Variants in CAB39L observed in about 807,000 individuals in gnomAD.
CAB39L encodes the protein calcium-binding protein 39-like.
In CAB39L, 23 loss-of-function variants were observed where a neutral mutation model predicts 39.1. The ratio of observed to expected loss-of-function variants is 0.59; its 90% CI spans 0.42 to 0.83. The LOEUF is 0.83. Ranked by LOEUF, CAB39L falls within the 40% of genes least tolerant of loss-of-function variation. The pLI, the probability that CAB39L is intolerant of heterozygous loss-of-function variation, is 0.00. For missense variants in CAB39L, 366 were observed against 391.9 expected, an observed-to-expected ratio of 0.93 and a Z score of 0.56; for synonymous variants, 126 against 137.2, an observed-to-expected ratio of 0.92 and a Z score of 0.57.
chr13:49,402,283 G>T (rs189260170), intron 3 of CAB39L, among the ~76,000 whole-genome samples: 1 of 152,140 alleles, frequency 6.6e-6, no homozygotes, highest in Non-Finnish European at 1.5e-5. Context: ...TTAAAATTAC[G>T]AAACTCTCTG....
intron 7 of CAB39L, among the ~76,000 whole-genome samples, chr13:49,346,104 T>G (rs866049527): frequency 4.5e-5 from 2 of 44,918 alleles, no homozygotes; most frequent in African/African-American, 8.9e-5. Context: ...ATGCTAGATA[T>G]ATATATATAT....
chr13:49,411,520 C>T (rs1005510981), intron 3 of CAB39L, among the ~76,000 whole-genome samples: 2 of 151,524 alleles, frequency 1.3e-5, no homozygotes, highest in African/African-American at 4.9e-5. Context: ...TCCAGGCATA[C>T]GTAGATGTAT....
At chr13:49,438,437 T>A (rs1054274367) in intron 1 of CAB39L, among the ~76,000 whole-genome samples, 1 of 152,230 alleles carries the variant, frequency 6.6e-6, no homozygotes, top group South Asian at 2.1e-4. Flanking sequence ...GATTTTCCAA[T>A]CATTTCTTGG....
At chr13:49,327,515 G>A (rs1346787209) in intron 10 of CAB39L, among the ~76,000 whole-genome samples, 1 of 152,148 alleles carries the variant, frequency 6.6e-6, no homozygotes. Flanking sequence ...TGTTGGCCAG[G>A]CTGGTCTCAA....
chr13:49,419,058 C>T (rs528909178), intron 3 of CAB39L, among the ~76,000 whole-genome samples: 55 of 152,246 alleles, frequency 3.6e-4, no homozygotes, highest in Non-Finnish European at 6.6e-4. Context: ...ACCTCTCCCT[C>T]CCAGGTTCAA....
intron 5 of CAB39L, among the ~76,000 whole-genome samples, chr13:49,361,529 A>G (rs1053075095): frequency 1.3e-4 from 19 of 145,768 alleles, no homozygotes; most frequent in Non-Finnish European, 2.7e-4. Context: ...AGAGAGAGAG[A>G]GAGACAGAAA....
intron 3 of CAB39L, among the ~76,000 whole-genome samples, chr13:49,429,028 T>A (rs1478233344): frequency 6.6e-6 from 1 of 152,250 alleles, no homozygotes; most frequent in Non-Finnish European, 1.5e-5. Flanking sequence ...TATTCCTCAC[T>A]ATAATTATAT....
chr13:49,443,354 G>A (rs555333667), intron 1 of CAB39L, among the ~76,000 whole-genome samples: 1 of 149,076 alleles, frequency 6.7e-6, no homozygotes, highest in African/African-American at 2.5e-5. Flanking sequence ...AAAAAAGACA[G>A]CTGCAGGAAT....
At chr13:49,442,955 C>T (rs1370133735) in intron 1 of CAB39L, among the ~76,000 whole-genome samples, 1 of 151,944 alleles carries the variant, frequency 6.6e-6, no homozygotes, top group Non-Finnish European at 1.5e-5. Context: ...AATACATCGG[C>T]TTTCTTTTCA....
At chr13:49,403,609 A>G (rs1426798663) in intron 3 of CAB39L, among the ~76,000 whole-genome samples, 6 of 152,168 alleles carry the variant, frequency 3.9e-5, no homozygotes, top group Non-Finnish European at 5.9e-5. Flanking sequence ...TTAGAAAGAT[A>G]AGAATGTTAA....
At chr13:49,388,118 A>G (rs1424585588) in intron 3 of CAB39L, among the ~76,000 whole-genome samples, 2 of 152,212 alleles carry the variant, frequency 1.3e-5, no homozygotes, top group Non-Finnish European at 2.9e-5. Flanking sequence ...TAGAGTGTGT[A>G]TGGATACATA....
intron 3 of CAB39L, among the ~76,000 whole-genome samples, chr13:49,431,104 T>G (rs369101167): frequency 6.6e-6 from 1 of 152,234 alleles, no homozygotes; most frequent in Admixed American, 6.5e-5. Context: ...GAAACCATCA[T>G]CACATCAAGA....
intron 4 of CAB39L, among the ~76,000 whole-genome samples, chr13:49,379,784 A>C (rs1956213871): frequency 6.6e-6 from 1 of 151,800 alleles, no homozygotes; most frequent in African/African-American, 2.4e-5. Flanking sequence ...AGTATTATAA[A>C]ATTTATTTAT....
At chr13:49,362,953 T>A (rs1955673981) in intron 5 of CAB39L, among the ~76,000 whole-genome samples, 2 of 152,158 alleles carry the variant, frequency 1.3e-5, no homozygotes, top group African/African-American at 4.8e-5. Flanking sequence ...ACATATTTAA[T>A]GTGCTGAAGG....
intron 1 of CAB39L, among the ~76,000 whole-genome samples, chr13:49,440,414 T>A (rs965512806): frequency 6.6e-6 from 1 of 152,128 alleles, no homozygotes; most frequent in African/African-American, 2.4e-5. Context: ...GCTGTGGGTG[T>A]ACAGCTTAAT....
At chr13:49,340,899 G>A (rs932686965) in intron 8 of CAB39L, among the ~76,000 whole-genome samples, 14 of 152,190 alleles carry the variant, frequency 9.2e-5, no homozygotes, top group African/African-American at 3.1e-4. Flanking sequence ...TTCAGCAGCT[G>A]TGAAATTACT....
chr13:49,438,715 AT>A, intron 1 of CAB39L, among the ~76,000 whole-genome samples: 1 of 152,276 alleles, frequency 6.6e-6, no homozygotes, highest in Middle Eastern at 3.4e-3. Context: ...AGAAGGGTTT[AT>A]TTTTAAAAAT....
intron 7 of CAB39L, among the ~76,000 whole-genome samples, chr13:49,349,455 C>T (rs946121996): frequency 1.4e-5 from 2 of 141,802 alleles, no homozygotes; most frequent in Non-Finnish European, 1.5e-5. Context: ...AATCTGAATA[C>T]ATATATATAT....
chr13:49,421,157 C>A (rs1957166403), intron 3 of CAB39L, among the ~76,000 whole-genome samples: 1 of 152,158 alleles, frequency 6.6e-6, no homozygotes, highest in Admixed American at 6.5e-5. Context: ...GTGAAGCCAG[C>A]AACCCAGGAA....
Sources: allele counts gnomAD v4.1 joint callset (sites outside exome capture counted in the v4.1 genomes callset), GRCh38; gene constraint gnomAD v4.1.1; transcripts MANE v1.5; gene names NCBI Gene and HGNC (gene_info 2026-07-23, HGNC 2026-07-21).